The following HTR4 variants were observed in gnomAD, a reference collection of about 807,000 sequenced individuals.
The protein encoded by HTR4 is 5-hydroxytryptamine receptor 4, also known as 5-hydroxytryptamine (serotonin) receptor 4, G protein-coupled.
In HTR4, 16 loss-of-function variants were observed where a neutral mutation model predicts 36.8. The observed-to-expected ratio is 0.43, with a 90% confidence interval of 0.29 to 0.66. HTR4 has a LOEUF of 0.66. HTR4 is among the 30% of genes least tolerant of loss of function. The pLI, the probability that HTR4 is intolerant of heterozygous loss-of-function variation, is 0.13. For synonymous variants in HTR4, 189 were observed against 185.1 expected, an observed-to-expected ratio of 1.02 and a Z score of -0.17; for missense variants, 438 against 490.9, an observed-to-expected ratio of 0.89 and a Z score of 1.02.
chr5:148,624,998 A>G (rs1297962830), intron 2 of HTR4, among the ~76,000 whole-genome samples: 1 of 152,194 alleles, frequency 6.6e-6, no homozygotes, highest in East Asian at 1.9e-4. Flanking sequence ...GATAACAGCA[A>G]TTTGTATAGA....
intron 2 of HTR4, 39 bp from the exon 3 acceptor site, chr5:148,550,301 T>C: frequency 6.2e-7 from 1 of 1,608,002 alleles, no homozygotes; most frequent in Non-Finnish European, 8.5e-7. Flanking sequence ...TGAATGAAAC[T>C]CTGGGACACA....
intron 6 of HTR4, 25 bp downstream of exon 6, chr5:148,509,431 C>A: frequency 6.5e-7 from 1 of 1,530,374 alleles, no homozygotes. Context: ...TCAACCAAAT[C>A]AATGAACTCC....
At chr5:148,520,195 G>A (rs938650014) in intron 5 of HTR4, among the ~76,000 whole-genome samples, 1 of 152,170 alleles carries the variant, frequency 6.6e-6, no homozygotes, top group African/African-American at 2.4e-5. Flanking sequence ...CATGTGGATT[G>A]TGCTAGCTTC....
intron 6 of HTR4, among the ~76,000 whole-genome samples, chr5:148,507,578 A>G (rs75474507): frequency 4.7e-5 from 3 of 64,092 alleles, no homozygotes; most frequent in African/African-American, 5.2e-4. Context: ...AAGTTTCTTC[A>G]AAAAAAAAAA....
chr5:148,470,010 T>C (rs1238793870), intron 5 of HTR4, among the ~76,000 whole-genome samples: 1 of 152,158 alleles, frequency 6.6e-6, no homozygotes, highest in Non-Finnish European at 1.5e-5. Flanking sequence ...AGTGAGATGA[T>C]GTACGTGAAA....
chr5:148,585,133 T>C (rs747493922), intron 2 of HTR4, among the ~76,000 whole-genome samples: 7 of 152,166 alleles, frequency 4.6e-5, no homozygotes, highest in Non-Finnish European at 1.0e-4. Context: ...ATTCACAGGA[T>C]TGATTTAAAC....
At chr5:148,561,871 T>C (rs982505442) in intron 2 of HTR4, among the ~76,000 whole-genome samples, 1 of 152,190 alleles carries the variant, frequency 6.6e-6, no homozygotes, top group Non-Finnish European at 1.5e-5. Context: ...CATACTCTGA[T>C]AGTAACCTGC....
At chr5:148,590,520 C>T (rs1423115813) in intron 2 of HTR4, among the ~76,000 whole-genome samples, 1 of 151,580 alleles carries the variant, frequency 6.6e-6, no homozygotes, top group Non-Finnish European at 1.5e-5. Flanking sequence ...TTTTACAGAA[C>T]AGCAGAGCAA....
chr5:148,523,679 T>C (rs1166786539), intron 4 of HTR4, among the ~76,000 whole-genome samples: 2 of 152,130 alleles, frequency 1.3e-5, no homozygotes, highest in Admixed American at 1.3e-4. Flanking sequence ...TAATATATAC[T>C]TTGGATCACA....
At chr5:148,600,752 T>C (rs1241000079) in intron 2 of HTR4, among the ~76,000 whole-genome samples, 1 of 151,808 alleles carries the variant, frequency 6.6e-6, no homozygotes, top group Non-Finnish European at 1.5e-5. Context: ...TCTTTGACTT[T>C]AGTTCTGGCA....
intron 5 of HTR4, among the ~76,000 whole-genome samples, chr5:148,462,254 A>T (rs1321972453): frequency 6.6e-6 from 1 of 152,022 alleles, no homozygotes; most frequent in African/African-American, 2.4e-5. Flanking sequence ...AATAAAATTG[A>T]TACATCTCTA....
chr5:148,515,317 T>C (rs1757690567), intron 5 of HTR4, among the ~76,000 whole-genome samples: 1 of 152,188 alleles, frequency 6.6e-6, no homozygotes, highest in African/African-American at 2.4e-5. Flanking sequence ...ATTGTTTTCA[T>C]GCATTTTAAT....
At chr5:148,645,170 T>C (rs574683859) in intron 1 of HTR4, 1 of 152,274 alleles carries the variant, frequency 6.6e-6, no homozygotes, top group East Asian at 1.9e-4. Flanking sequence ...ATGGCTGAAG[T>C]TTGAGAAATG....
chr5:148,617,127 G>A (rs1477209593), intron 2 of HTR4, among the ~76,000 whole-genome samples: 1 of 152,200 alleles, frequency 6.6e-6, no homozygotes, highest in Non-Finnish European at 1.5e-5. Context: ...TGGATCATGA[G>A]GATAGATTTC....
At chr5:148,594,799 T>C (rs1761708018) in intron 2 of HTR4, among the ~76,000 whole-genome samples, 1 of 152,210 alleles carries the variant, frequency 6.6e-6, no homozygotes, top group Non-Finnish European at 1.5e-5. Flanking sequence ...CTTGTAAGTC[T>C]CCATGAAGTT....
chr5:148,476,694 G>GA (rs11411672), downstream of HTR4: 620,617 of 1,575,872 alleles, frequency 0.39, 115,628 homozygotes, highest in Admixed American at 0.57. Flanking sequence ...TGGGCACTAA[G>GA]AAAAAAAAAT....
chr5:148,516,627 C>CTTTTTTTT (rs3041922), intron 5 of HTR4, among the ~76,000 whole-genome samples: 2 of 143,510 alleles, frequency 1.4e-5, no homozygotes, highest in Admixed American at 1.4e-4. Context: ...CAAAAATTCC[C>CTTTTTTTT]TTTTTTTTTT....
chr5:148,599,497 A>G (rs1488346206), intron 2 of HTR4, among the ~76,000 whole-genome samples: 1 of 152,174 alleles, frequency 6.6e-6, no homozygotes, highest in Non-Finnish European at 1.5e-5. Flanking sequence ...ATACTGAAAG[A>G]AAACAATACT....
intron 4 of HTR4, among the ~76,000 whole-genome samples, chr5:148,542,822 T>C (rs971305583): frequency 1.3e-5 from 2 of 152,184 alleles, no homozygotes; most frequent in African/African-American, 4.8e-5. Flanking sequence ...TGTTTTGTTG[T>C]GGAGGCTCCA....
Sources: allele counts gnomAD v4.1 joint callset (sites outside exome capture counted in the v4.1 genomes callset), GRCh38; gene constraint gnomAD v4.1.1; transcripts MANE v1.5; gene names NCBI Gene and HGNC (gene_info 2026-07-23, HGNC 2026-07-21).